The following PARD3B variants were observed in gnomAD, a reference collection of about 807,000 sequenced individuals.
PARD3B encodes the protein par-3 family cell polarity regulator beta, also known as partitioning defective 3 homolog B.
A neutral mutation model predicts 130.2 loss-of-function variants in PARD3B; 103 were observed. That is an observed-to-expected ratio of 0.79 (90% CI 0.67 to 0.93). The LOEUF (loss-of-function observed/expected upper bound fraction) is 0.93. Among genes scored for constraint, PARD3B ranks in the 40% least tolerant of loss-of-function variants. PARD3B has a pLI of 0.00. For synonymous variants in PARD3B, 583 were observed against 553.2 expected (o/e 1.05, Z -0.76); for missense variants, 1,609 against 1,499.2 (o/e 1.07, Z -1.21).
At chr2:204,753,903 A>G (rs2040562781) in intron 2 of PARD3B, among the ~76,000 whole-genome samples, 1 of 152,120 alleles carries the variant, frequency 6.6e-6, no homozygotes, top group Non-Finnish European at 1.5e-5. Flanking sequence ...AAATTAAAAT[A>G]AAATAATATA....
intron 3 of PARD3B, among the ~76,000 whole-genome samples, chr2:204,997,050 T>C (rs1483375956): frequency 6.6e-6 from 1 of 152,170 alleles, no homozygotes; most frequent in Admixed American, 6.5e-5. Context: ...TCTGCGTCGC[T>C]CACGCTGGGA....
intron 22 of PARD3B, among the ~76,000 whole-genome samples, chr2:205,607,831 TACACACACACACACAC>T (rs776583001): frequency 2.8e-4 from 32 of 116,230 alleles, no homozygotes; most frequent in East Asian, 4.8e-4. Flanking sequence ...CCAACACCCA[TACACACACACACACAC>T]ACACACACAC....
In PARD3B at chr2:205,121,156, T is replaced by C. The variant is rs1284948146; in HGVS notation, c.807-435T>C. On this transcript the variant is annotated intron_variant, in intron 7 of 22. Transcript: ENST00000406610. This position sits in a 1 kb window ranked among gnomAD's most constrained non-coding sequence, Gnocchi z 5.0. ...AGATCTGTACTTTAGAAGGATGTCC[T>C]AAAAGAAACCTAACTAATGATCTGA... 6.6e-6 allele frequency among the ~76,000 whole-genome samples: 1 copy of C among 152,206 alleles called. No homozygotes were observed. Among genetic ancestry groups the C allele is most frequent in the Non-Finnish European group, 1.5e-5 (1 of 68,028 alleles).
intron 18 of PARD3B, among the ~76,000 whole-genome samples, chr2:205,367,736 G>A (rs2044662878): frequency 6.6e-6 from 1 of 152,114 alleles, no homozygotes; most frequent in Non-Finnish European, 1.5e-5. Context: ...TCCAAGATTT[G>A]CCAAGAAGAT....
At chr2:204,979,789 G>GA (rs1247757805) in intron 3 of PARD3B, among the ~76,000 whole-genome samples, 5 of 152,098 alleles carry the variant, frequency 3.3e-5, no homozygotes, top group African/African-American at 1.2e-4. Context: ...TATCTATATA[G>GA]AAAAAAATTT....
intron 1 of PARD3B, among the ~76,000 whole-genome samples, chr2:204,548,030 C>G (rs915322548): frequency 2.0e-5 from 3 of 152,156 alleles, no homozygotes; most frequent in South Asian, 2.1e-4. Context: ...CTTATTTTCA[C>G]TTTTAAAATT....
chr2:205,049,082 C>T (rs1456401025), intron 4 of PARD3B, among the ~76,000 whole-genome samples: 1 of 152,126 alleles, frequency 6.6e-6, no homozygotes, highest in African/African-American at 2.4e-5. Context: ...TTTTCATTTT[C>T]ATGATGTCTG....
At chr2:205,521,531 A>G (rs2051055638) in intron 21 of PARD3B, among the ~76,000 whole-genome samples, 3 of 146,486 alleles carry the variant, frequency 2.0e-5, no homozygotes, top group East Asian at 2.0e-4. Flanking sequence ...CCATTTAAAC[A>G]TCTATCAAGA....
chr2:205,251,138 C>T (rs73982843), intron 16 of PARD3B, among the ~76,000 whole-genome samples: 5,146 of 152,204 alleles, frequency 0.034, 283 homozygotes, highest in African/African-American at 0.12. Flanking sequence ...GTTGTGTAAC[C>T]TCAGCCAGCT....
intron 1 of PARD3B, among the ~76,000 whole-genome samples, chr2:204,651,544 G>A (rs1297420219): frequency 1.3e-5 from 2 of 152,174 alleles, no homozygotes; most frequent in Admixed American, 6.5e-5. Context: ...CTGCTTTCAT[G>A]GGCTTGTGTT....
Position 204,740,532 on chromosome 2 carries a change from G to C in PARD3B, c.222+54250G>C, listed in dbSNP as rs552186591. The stretch of plus-strand genomic sequence containing the variant: ...AGGCAGGGTATGGCAGGGATGCCTG[G>C]TCTCTGCATCATGATGTCTGGGGCC... On this transcript the variant is annotated intron_variant, in intron 2 of 22. Transcript: ENST00000406610. 2.8e-4 allele frequency among the ~76,000 whole-genome samples: 42 copies of C among 152,312 alleles called. 1 individual carries two copies. In the Middle Eastern group the frequency reaches 0.034, roughly 123 times the overall value.
rs1453730498 is a variant in PARD3B, at chr2:205,421,672, A to G, written c.2742-18698A>G. 6.6e-6 allele frequency among the ~76,000 whole-genome samples: 1 copy of G among 152,188 alleles called. No homozygotes were observed. The highest frequency in any genetic ancestry group is 1.5e-5 in the Non-Finnish European group (1 of 68,030). On this transcript the variant is annotated intron_variant, in intron 19 of 22. Transcript: ENST00000406610. The surrounding 1 kb of genome is among the most constrained non-coding windows in gnomAD (Gnocchi z 5.1). ...TATTGCTGCTGTAACAAATTACCAC[A>G]TACTTGGTATCATAAAACAACATAA... is the stretch of plus-strand genomic sequence containing the variant.
At chr2:205,442,623 T>C (rs918217455) in intron 20 of PARD3B, among the ~76,000 whole-genome samples, 1 of 152,106 alleles carries the variant, frequency 6.6e-6, no homozygotes, top group Admixed American at 6.6e-5. Context: ...CTTATTGCAG[T>C]CTTTTTATGC....
At chr2:205,020,581 G>A (rs1211068972) in intron 3 of PARD3B, among the ~76,000 whole-genome samples, 1 of 152,094 alleles carries the variant, frequency 6.6e-6, no homozygotes, top group Non-Finnish European at 1.5e-5. Flanking sequence ...GCAAGGGGAA[G>A]AGTTGATATT....
At chr2:204,736,025 G>A (rs1187803587) in intron 2 of PARD3B, among the ~76,000 whole-genome samples, 1 of 152,056 alleles carries the variant, frequency 6.6e-6, no homozygotes, top group African/African-American at 2.4e-5. Flanking sequence ...TTTACCCCCG[G>A]AAACTCTTTG....
chr2:205,036,887 G>A (rs1697968190), intron 3 of PARD3B, among the ~76,000 whole-genome samples: 2 of 149,934 alleles, frequency 1.3e-5, no homozygotes, highest in African/African-American at 2.5e-5. Flanking sequence ...GTAGCGGACT[G>A]TATATATAAA....
In PARD3B at chr2:205,121,907, A is replaced by G; in HGVS notation, c.1123A>G (p.Ser375Gly). The G allele has an allele frequency of 1.2e-6, 2 of 1,612,956 alleles. No homozygotes were observed. Among genetic ancestry groups the G allele is most frequent in the Non-Finnish European group, 1.7e-6 (2 of 1,179,686 alleles). Residue 375 changes from serine (S) to glycine (G), a missense_variant, in exon 8 of 23, where the codon AGC (serine) becomes GGC (glycine). Coordinates refer to ENST00000406610, the MANE Select transcript of PARD3B (RefSeq NM_001302769.2). This position sits in a 1 kb window ranked among gnomAD's most constrained non-coding sequence, Gnocchi z 5.0. Reference sequence around the variant, plus strand: ...ACTCTCGCCTCTCATGGGATTTGGCAGCAATAAAAATGCAAAGAAAATTAA... The same window carrying G: ...ACTCTCGCCTCTCATGGGATTTGGCGGCAATAAAAATGCAAAGAAAATTAA... Reference protein sequence around the residue: ...PSLSPLMGFGSNKNAKKIKID... With the variant: ...PSLSPLMGFGGNKNAKKIKID...
chr2:204,595,626 ATGTT>A (rs2033254142), intron 1 of PARD3B, among the ~76,000 whole-genome samples: 1 of 152,230 alleles, frequency 6.6e-6, no homozygotes, highest in Admixed American at 6.5e-5. Flanking sequence ...ACATTTCTGT[ATGTT>A]AGTCAATTAA....
chr2:205,610,487 T>C (rs2055192166), intron 22 of PARD3B, among the ~76,000 whole-genome samples: 1 of 152,184 alleles, frequency 6.6e-6, no homozygotes. Context: ...GCTTAGCCTG[T>C]ACCTAGTAAG....
Sources: allele counts gnomAD v4.1 joint callset (sites outside exome capture counted in the v4.1 genomes callset), GRCh38; gene constraint gnomAD v4.1.1; non-coding constraint Gnocchi (gnomAD v3.1); transcripts MANE v1.5; gene names NCBI Gene and HGNC (gene_info 2026-07-23, HGNC 2026-07-21).